Variants in TENM4 observed in about 807,000 individuals in gnomAD.
TENM4 encodes the protein teneurin transmembrane protein 4.
In TENM4, 82 loss-of-function variants were observed where a neutral mutation model predicts 243.3. The ratio of observed to expected loss-of-function variants is 0.34; its 90% CI spans 0.28 to 0.40. The LOEUF (loss-of-function observed/expected upper bound fraction) is 0.40, where lower values mean the gene tolerates loss of function less well. Among genes scored for constraint, TENM4 ranks in the 10% least tolerant of loss-of-function variants. TENM4 has a pLI of 1.00. For missense variants in TENM4, 3,138 were observed against 3,673.3 expected (o/e 0.85, Z 3.77); for synonymous variants, 1,412 against 1,456.3 (o/e 0.97, Z 0.69).
chr11:78,714,975 G>A (rs1274219835), intron 25 of TENM4, among the ~76,000 whole-genome samples: 1 of 152,232 alleles, frequency 6.6e-6, no homozygotes, highest in Admixed American at 6.5e-5. Context: ...GGAAGAGACT[G>A]GATTTTGTTC....
At chr11:79,153,619 T>C (rs768554930) in intron 3 of TENM4, among the ~76,000 whole-genome samples, 4 of 152,156 alleles carry the variant, frequency 2.6e-5, no homozygotes, top group Non-Finnish European at 4.4e-5. Flanking sequence ...CCAGGCAGTG[T>C]GGGAAACCGA....
chr11:79,052,923 G>C (rs928977736), intron 6 of TENM4, among the ~76,000 whole-genome samples: 3 of 152,174 alleles, frequency 2.0e-5, no homozygotes, highest in African/African-American at 7.2e-5. Flanking sequence ...CTTGCAGCTT[G>C]TTGTGAGGCA....
At chr11:79,026,409 C>A (rs374461529) in intron 6 of TENM4, among the ~76,000 whole-genome samples, 3 of 152,056 alleles carry the variant, frequency 2.0e-5, no homozygotes, top group Non-Finnish European at 4.4e-5. Context: ...CCCAAGGAAG[C>A]GAGTGGAAGG....
intron 1 of TENM4, among the ~76,000 whole-genome samples, chr11:79,387,834 A>G (rs1431179829): frequency 1.3e-5 from 2 of 152,140 alleles, no homozygotes; most frequent in Non-Finnish European, 2.9e-5. Context: ...GTGAAACTCC[A>G]TCTCTAGAAA....
At chr11:79,065,275 T>C (rs1157890972) in intron 5 of TENM4, among the ~76,000 whole-genome samples, 3 of 152,208 alleles carry the variant, frequency 2.0e-5, no homozygotes, top group Non-Finnish European at 4.4e-5. Flanking sequence ...CCAACACCTG[T>C]GCAGAATTCA....
chr11:78,733,436 C>A (rs1466792895), intron 20 of TENM4, among the ~76,000 whole-genome samples: 1 of 152,192 alleles, frequency 6.6e-6, no homozygotes, highest in Non-Finnish European at 1.5e-5. Flanking sequence ...TAGATGACCC[C>A]CTGCTAAGTC....
chr11:79,044,128 C>T (rs1040181719), intron 6 of TENM4, among the ~76,000 whole-genome samples: 31 of 152,202 alleles, frequency 2.0e-4, no homozygotes, highest in African/African-American at 7.5e-4. Context: ...AGAATGGCCT[C>T]ATTAGACCAA....
At chr11:78,746,569 C>A (rs1330708952) in intron 19 of TENM4, among the ~76,000 whole-genome samples, 2 of 152,198 alleles carry the variant, frequency 1.3e-5, no homozygotes, top group African/African-American at 4.8e-5. Context: ...TACACAAGAC[C>A]AGAGCCCTTG....
chr11:78,795,935 A>G (rs1857151807), intron 15 of TENM4, among the ~76,000 whole-genome samples: 2 of 151,806 alleles, frequency 1.3e-5, no homozygotes, highest in African/African-American at 4.8e-5. Context: ...AACCCAAGCT[A>G]CTCTCCTGTG....
chr11:78,817,565 G>A (rs899067908), intron 12 of TENM4, among the ~76,000 whole-genome samples: 1 of 152,238 alleles, frequency 6.6e-6, no homozygotes, highest in African/African-American at 2.4e-5. Flanking sequence ...TAAGTCAGTA[G>A]TGGATTCCTA....
intron 1 of TENM4, among the ~76,000 whole-genome samples, chr11:79,344,323 C>T (rs1565308276): frequency 6.6e-6 from 1 of 152,144 alleles, no homozygotes; most frequent in African/African-American, 2.4e-5. Context: ...AGATACGTCT[C>T]TTCCCTATGG....
At chr11:79,380,606 A>G (rs372618771) in intron 1 of TENM4, among the ~76,000 whole-genome samples, 4 of 152,228 alleles carry the variant, frequency 2.6e-5, no homozygotes, top group African/African-American at 9.6e-5. Flanking sequence ...TCTTTACTGC[A>G]GGACTTCTCA....
intron 4 of TENM4, among the ~76,000 whole-genome samples, chr11:79,144,930 T>C (rs1391949555): frequency 1.3e-5 from 2 of 152,020 alleles, no homozygotes; most frequent in Non-Finnish European, 2.9e-5. Context: ...AACTGTATAA[T>C]TTCAATATTT....
At chr11:79,220,066 C>A (rs1358526953) in intron 2 of TENM4, among the ~76,000 whole-genome samples, 1 of 152,220 alleles carries the variant, frequency 6.6e-6, no homozygotes, top group Non-Finnish European at 1.5e-5. Flanking sequence ...CTTCTGGATA[C>A]CCAGGAACCT....
chr11:78,755,441 T>C (rs1856284135), intron 19 of TENM4, among the ~76,000 whole-genome samples: 1 of 152,132 alleles, frequency 6.6e-6, no homozygotes, highest in African/African-American at 2.4e-5. Context: ...GGTGTTGGGA[T>C]TACAGGCATG....
chr11:79,126,537 G>A (rs1861880286), intron 4 of TENM4, among the ~76,000 whole-genome samples: 2 of 152,228 alleles, frequency 1.3e-5, no homozygotes, highest in Non-Finnish European at 1.5e-5. Context: ...AATCAGAATA[G>A]TCTGATTTGT....
At chr11:79,046,070 C>T (rs1859648025) in intron 6 of TENM4, among the ~76,000 whole-genome samples, 1 of 152,216 alleles carries the variant, frequency 6.6e-6, no homozygotes, top group Non-Finnish European at 1.5e-5. Context: ...ACATCTCCTG[C>T]TGTTCTAGGC....
intron 7 of TENM4, among the ~76,000 whole-genome samples, chr11:78,899,135 C>T (rs949415034): frequency 6.6e-6 from 1 of 152,086 alleles, no homozygotes; most frequent in African/African-American, 2.4e-5. Context: ...ATAGCATTTT[C>T]AGGCCAAGCC....
chr11:79,206,504 C>A (rs1183228230), intron 3 of TENM4, among the ~76,000 whole-genome samples: 4 of 152,204 alleles, frequency 2.6e-5, no homozygotes, highest in Admixed American at 2.0e-4. Context: ...TTCTTACACT[C>A]TGATATGGTT....
Sources: gnomAD v4.1 joint callset for allele counts (sites outside exome capture counted in the v4.1 genomes callset) on GRCh38, gnomAD v4.1.1 for gene constraint, MANE v1.5 for transcripts, NCBI Gene and HGNC (gene_info 2026-07-23, HGNC 2026-07-21) for gene names.